SLK: variants seen among roughly 807,000 people sequenced by gnomAD.
SLK encodes the protein STE20 like kinase, also known as STE20-like serine/threonine-protein kinase.
SLK carries 67 observed loss-of-function variants against 147.7 expected under a neutral mutation model. That is an observed-to-expected ratio of 0.45 (90% CI 0.37 to 0.56). SLK has a LOEUF of 0.56. SLK is among the 20% of genes least tolerant of loss of function. The pLI, the probability that SLK is intolerant of heterozygous loss-of-function variation, is 0.00. For synonymous variants in SLK, 441 were observed against 475.0 expected, an observed-to-expected ratio of 0.93 and a Z score of 0.93; for missense variants, 1,136 against 1,438.8, an observed-to-expected ratio of 0.79 and a Z score of 3.41.
At chr10:103,994,079 G>A (rs1051857851) in intron 4 of SLK, among the ~76,000 whole-genome samples, 1 of 152,044 alleles carries the variant, frequency 6.6e-6, no homozygotes, top group South Asian at 2.1e-4. Flanking sequence ...AAATTTTTTT[G>A]TAGAGATGAG....
At chr10:103,983,526 C>T (rs78743979) in intron 1 of SLK, among the ~76,000 whole-genome samples, 3 of 152,120 alleles carry the variant, frequency 2.0e-5, no homozygotes, top group African/African-American at 7.2e-5. Context: ...TTCTGCCTTG[C>T]TAGCAGCTCA....
At chr10:103,979,966 G>A (rs183845650) in intron 1 of SLK, among the ~76,000 whole-genome samples, 9 of 152,206 alleles carry the variant, frequency 5.9e-5, no homozygotes, top group Admixed American at 2.0e-4. Flanking sequence ...TGTTATCTTT[G>A]TAAAGTTTTA....
At position 103,967,788 on chromosome 10, in the gene SLK, G is replaced by GAGA. The variant is rs748805352; in HGVS notation, c.55_57dup (p.Lys19dup). ...CCGTAAGATCTTCAAGTTGGGGAGC[G>GAGA]AGAAGAAGAAGAAGCAGTACGAACA... On this transcript the variant is annotated inframe_insertion, in exon 1 of 19. Transcript: ENST00000369755. 1 of 1,613,906 alleles carries GAGA rather than the reference G, an allele frequency of 6.2e-7. No homozygotes were observed. Among genetic ancestry groups the GAGA allele is most frequent in the Non-Finnish European group, 8.5e-7 (1 of 1,179,852 alleles).
intron 13 of SLK, among the ~76,000 whole-genome samples, chr10:104,014,793 G>T (rs943062921): frequency 3.3e-5 from 5 of 151,860 alleles, no homozygotes; most frequent in African/African-American, 1.2e-4. Flanking sequence ...CTTTTAAAGG[G>T]CACTCATTTT....
At chr10:103,990,530 C>A (rs1844078369) in intron 1 of SLK, 145 bp from the exon 2 acceptor site, 3 of 487,128 alleles carry the variant, frequency 6.2e-6, no homozygotes, top group Middle Eastern at 1.1e-3. Context: ...CTTGTCTTCT[C>A]ATTCTCTTGA....
intron 1 of SLK, among the ~76,000 whole-genome samples, chr10:103,973,247 A>G (rs375076245): frequency 1.3e-5 from 2 of 152,154 alleles, no homozygotes; most frequent in African/African-American, 2.4e-5. Flanking sequence ...TTTTTTCCCC[A>G]TATGGATACA....
In SLK at chr10:104,002,828, A is replaced by G. The variant is rs1182140251; in HGVS notation, c.1650A>G (p.Gly550=). The G allele has an allele frequency of 1.2e-6, 2 of 1,614,080 alleles. No homozygotes were observed. Among genetic ancestry groups the G allele is most frequent in the Admixed American group, 3.3e-5 (2 of 60,012 alleles). ...TCAGCAATACAAGTGATGTGATAGG[A>G]ACATGTGAGGCAGCAGATGTGGCTC... ...DVISNTSDVI[G]TCEAADVAQK... The change falls in exon 9 of 19, where the codon GGA becomes GGG. Residue 550 remains glycine (G), a synonymous_variant. Coordinates refer to ENST00000369755, the MANE Select transcript of SLK (RefSeq NM_014720.4).
chr10:104,010,390 T>C (rs1267532158), intron 12 of SLK, among the ~76,000 whole-genome samples: 3 of 152,236 alleles, frequency 2.0e-5, no homozygotes, highest in Admixed American at 6.5e-5. Flanking sequence ...AAGCCAATTA[T>C]GAAATTTTGC....
intron 12 of SLK, among the ~76,000 whole-genome samples, chr10:104,010,188 A>C (rs1844382254): frequency 6.6e-6 from 1 of 152,194 alleles, no homozygotes; most frequent in Non-Finnish European, 1.5e-5. Flanking sequence ...TTGTCAGCAA[A>C]GGGGAATATT....
intron 16 of SLK, 90 bp from the exon 17 acceptor site, chr10:104,020,398 G>A (rs1013533643): frequency 1.6e-6 from 2 of 1,258,034 alleles, no homozygotes; most frequent in African/African-American, 3.1e-5. Flanking sequence ...AGTTTATTGT[G>A]CCTTGTTTTG....
Position 103,993,103 on chromosome 10 carries a change from C to G in SLK, c.484C>G (p.Leu162Val). ...CAGAGATCTGAAGGCTGGCAACATT[C>G]TCTTTACCTTAGATGGAGATATCAA... ...IHRDLKAGNI[L>V]FTLDGDIKLA... The change falls in exon 4 of 19, where the codon CTC becomes GTC. Residue 162 changes from leucine to valine, a missense_variant. Transcript: ENST00000369755. The G allele has an allele frequency of 6.2e-7, 1 of 1,609,874 alleles. No individual in the cohort carries two copies. Among genetic ancestry groups the G allele is most frequent in the Non-Finnish European group, 8.5e-7 (1 of 1,177,580 alleles).
At chr10:104,008,086 A>G in intron 11 of SLK, 91 bp from the exon 12 acceptor site, 1 of 914,924 alleles carries the variant, frequency 1.1e-6, no homozygotes, top group Non-Finnish European at 1.7e-6. Context: ...AAATTTAAAT[A>G]CTAGTTATGT....
chr10:104,017,627 C>A (rs1298916841), intron 13 of SLK, among the ~76,000 whole-genome samples: 1 of 152,036 alleles, frequency 6.6e-6, no homozygotes, highest in Non-Finnish European at 1.5e-5. Flanking sequence ...TTACAGGCAC[C>A]CGCTACCACA....
intron 13 of SLK, among the ~76,000 whole-genome samples, chr10:104,014,782 A>T (rs1844441770): frequency 1.3e-5 from 2 of 152,156 alleles, no homozygotes; most frequent in Admixed American, 1.3e-4. Flanking sequence ...TTAAACTTGT[A>T]CTTTTAAAGG....
At chr10:103,996,049 A>T (rs145855620) in intron 4 of SLK, among the ~76,000 whole-genome samples, 56 of 151,850 alleles carry the variant, frequency 3.7e-4, no homozygotes, top group African/African-American at 1.3e-3. Context: ...GCTCACCACC[A>T]CTCCTTATGT....
intron 1 of SLK, among the ~76,000 whole-genome samples, chr10:103,984,196 A>G (rs1278073407): frequency 1.3e-5 from 2 of 152,224 alleles, no homozygotes; most frequent in Non-Finnish European, 2.9e-5. Context: ...GATGGATATT[A>G]CTATATACGA....
Position 103,999,900 on chromosome 10 carries a change from C to A in SLK, c.816C>A (p.Cys272Ter). 6.4e-7 allele frequency: 1 copy of A among 1,559,158 alleles called. No homozygotes were observed. Among genetic ancestry groups the A allele is most frequent in the Non-Finnish European group, 8.8e-7 (1 of 1,137,200 alleles). The change falls in exon 7 of 19, where the codon TGC (cysteine) becomes TGA (stop). Residue 272 changes from cysteine (C) to a stop codon, truncating the protein, a stop_gained. Coordinates refer to ENST00000369755, the MANE Select transcript of SLK (RefSeq NM_014720.4). LOFTEE classifies it high-confidence loss of function. ...SSNFKDFLKK[C>*]LEKNVDARWT... is the part of the protein sequence containing the mutation. The stretch of plus-strand genomic sequence containing the variant: ...ATTTTAAGGACTTTCTAAAGAAATG[C>A]TTAGAAAAGAATGTGGATGCCAGGT...
At chr10:103,999,761 A>G (rs1844220895) in intron 6 of SLK, 106 bp from the exon 7 acceptor site, 1 of 529,484 alleles carries the variant, frequency 1.9e-6, no homozygotes, top group East Asian at 3.1e-5. Context: ...TGTTGAATTA[A>G]TACTATTACA....
intron 1 of SLK, among the ~76,000 whole-genome samples, chr10:103,972,402 G>A (rs1343727109): frequency 6.6e-6 from 1 of 152,160 alleles, no homozygotes; most frequent in Non-Finnish European, 1.5e-5. Flanking sequence ...GCCAGGCGCG[G>A]TGGCTCATGC....
Sources: gnomAD v4.1 joint callset for allele counts (sites outside exome capture counted in the v4.1 genomes callset) on GRCh38, gnomAD v4.1.1 for gene constraint, MANE v1.5 for transcripts, NCBI Gene and HGNC (gene_info 2026-07-23, HGNC 2026-07-21) for gene names.